TCF4: variants seen among roughly 807,000 people sequenced by gnomAD.
The protein encoded by TCF4 is SL3-3 enhancer factor 2.
A neutral mutation model predicts 82.1 loss-of-function variants in TCF4; 3 were observed. That is an observed-to-expected ratio of 0.04 (90% CI 0.02 to 0.09). The LOEUF is 0.09. TCF4 is among the 10% of genes least tolerant of loss of function. TCF4 has a pLI of 1.00. For synonymous variants in TCF4, 276 were observed against 309.6 expected (o/e 0.89, Z 1.14); for missense variants, 518 against 852.7 (o/e 0.61, Z 4.89).
At chr18:55,606,898 A>G (rs546988984) in intron 2 of TCF4, among the ~76,000 whole-genome samples, 1 of 152,240 alleles carries the variant, frequency 6.6e-6, no homozygotes, top group Admixed American at 6.5e-5. Context: ...TACCTAGTTC[A>G]TTTTTCACAC....
intron 5 of TCF4, among the ~76,000 whole-genome samples, chr18:55,436,985 C>A (rs1322445312): frequency 6.6e-6 from 1 of 152,202 alleles, no homozygotes; most frequent in Non-Finnish European, 1.5e-5. Context: ...CAAAATCACC[C>A]AAGTCCCTGA....
At chr18:55,374,404 A>G (rs2090185907) in intron 6 of TCF4, among the ~76,000 whole-genome samples, 1 of 152,010 alleles carries the variant, frequency 6.6e-6, no homozygotes, top group African/African-American at 2.4e-5. Flanking sequence ...GAAAAACAAG[A>G]AGAGAGAAAA....
At chr18:55,423,157 T>C (rs1248558271) in intron 5 of TCF4, among the ~76,000 whole-genome samples, 1 of 129,258 alleles carries the variant, frequency 7.7e-6, no homozygotes, top group Non-Finnish European at 1.6e-5. Context: ...TCTTATACAA[T>C]AGAAGCAGTT....
chr18:55,583,165 C>G (rs1436294035), intron 3 of TCF4, among the ~76,000 whole-genome samples: 1 of 152,098 alleles, frequency 6.6e-6, no homozygotes, highest in African/African-American at 2.4e-5. Flanking sequence ...AGGACCATTA[C>G]ACTTTTTACC....
chr18:55,401,963 C>G (rs770118726), intron 6 of TCF4: 18 of 932,496 alleles, frequency 1.9e-5, no homozygotes, highest in Non-Finnish European at 2.3e-5. Flanking sequence ...CACAGGAACA[C>G]GGTCTTCTGC....
chr18:55,455,527 T>TG (rs148661774), intron 5 of TCF4, among the ~76,000 whole-genome samples: 2 of 144,678 alleles, frequency 1.4e-5, no homozygotes, highest in Non-Finnish European at 3.0e-5. Context: ...AAGGTGTTAT[T>TG]GGAAAAAAAA....
At position 55,226,651 on chromosome 18, in the gene TCF4, A is replaced by G. The variant is rs1204412436; in HGVS notation, c.*1384T>C. On this transcript the variant is annotated 3_prime_UTR_variant, in exon 20 of 20. Transcript: ENST00000354452. ...TTGAATATTGGCATTTTTCAGACGA[A>G]GGAGGAGGCAGTTAAGTCATCTACA... 1 of 152,570 alleles carries G rather than the reference A, an allele frequency of 6.6e-6. No homozygotes were observed. The highest frequency in any genetic ancestry group is 1.9e-4 in the East Asian group (1 of 5,202). The allele number at this position is 152,570 out of a possible 1,614,324, so 9.5% of individuals were successfully genotyped here.
At chr18:55,535,033 T>A (rs545602616) in intron 3 of TCF4, among the ~76,000 whole-genome samples, 33 of 152,348 alleles carry the variant, frequency 2.2e-4, no homozygotes, top group African/African-American at 7.9e-4. Flanking sequence ...GAGGTTCTGT[T>A]TCCATTCCTT....
upstream of TCF4, chr18:55,589,300 A>C (rs1478207016): frequency 1.9e-6 from 2 of 1,051,538 alleles, no homozygotes. Flanking sequence ...ACGTTACCTT[A>C]AATGGCCACA....
At position 55,269,895 on chromosome 18, in the gene TCF4, A is replaced by G. The variant is rs749844373; in HGVS notation, c.858T>C (p.Ser286=). The change falls in exon 11 of 20, where the codon AGT becomes AGC. Residue 286 remains serine, a synonymous_variant. Transcript: ENST00000354452. ...AAGAGGTGCTGTAATGGTTTGTACC[A>G]CTACGATGGAAAGTGGACATCGGAG... ...SLPPMSTFHR[S]GTNHYSTSSC... 2.5e-6 allele frequency: 4 copies of G among 1,613,270 alleles called. No homozygotes were observed. The highest frequency in any genetic ancestry group is 2.7e-5 in the African/African-American group (2 of 74,880).
chr18:55,556,249 A>AGTGTT (rs2097303498), intron 3 of TCF4, among the ~76,000 whole-genome samples: 1 of 152,050 alleles, frequency 6.6e-6, no homozygotes, highest in Admixed American at 6.6e-5. Context: ...AATGCTCTGT[A>AGTGTT]TCTCACATCC....
chr18:55,452,135 C>T (rs1200040789), intron 5 of TCF4, among the ~76,000 whole-genome samples: 1 of 151,610 alleles, frequency 6.6e-6, no homozygotes, highest in Non-Finnish European at 1.5e-5. Flanking sequence ...GATAGATGGT[C>T]CTTCCCCCTG....
chr18:55,535,256 A>G (rs1194822093), intron 3 of TCF4, among the ~76,000 whole-genome samples: 1 of 152,212 alleles, frequency 6.6e-6, no homozygotes, highest in African/African-American at 2.4e-5. Context: ...TAAAGTCATG[A>G]GTTAGCAAAC....
chr18:55,440,891 A>C (rs1419118471), intron 5 of TCF4, among the ~76,000 whole-genome samples: 1 of 152,206 alleles, frequency 6.6e-6, no homozygotes, highest in African/African-American at 2.4e-5. Flanking sequence ...TATTGGATTT[A>C]TGTCTGAATA....
chr18:55,558,221 A>T (rs1172153982), intron 3 of TCF4, among the ~76,000 whole-genome samples: 2 of 152,118 alleles, frequency 1.3e-5, no homozygotes, highest in Non-Finnish European at 2.9e-5. Flanking sequence ...AAAAAAATCA[A>T]AAACTAAAAG....
rs1157497697 is a variant in TCF4, at chr18:55,349,385, AAAATG to A, written c.549+969_549+973del. Among the ~76,000 whole-genome samples, 3 of 152,166 alleles carry A rather than the reference AAAATG, an allele frequency of 2.0e-5. No individual in the cohort carries two copies. In the East Asian group the frequency reaches 5.8e-4, roughly 29 times the overall value. On this transcript the variant is annotated intron_variant, in intron 8 of 19. Transcript: ENST00000354452. ...GACCTATTATTCTTCTAATACATTA[AAAATG>A]AAATGAAACTAATATGCAAGCATTG...
At chr18:55,511,788 A>C (rs1304782556) in intron 3 of TCF4, among the ~76,000 whole-genome samples, 1 of 152,182 alleles carries the variant, frequency 6.6e-6, no homozygotes, top group African/African-American at 2.4e-5. Flanking sequence ...ACAATTTTTT[A>C]AAATAATACT....
chr18:55,360,885 C>A (rs566680331), intron 6 of TCF4, among the ~76,000 whole-genome samples: 2 of 151,790 alleles, frequency 1.3e-5, no homozygotes, highest in Admixed American at 1.3e-4. Flanking sequence ...TGCCACCATG[C>A]CCAGCTAATT....
In TCF4 at chr18:55,570,644, A is replaced by C. The variant is rs1319968059; in HGVS notation, c.145+14636T>G. On this transcript the variant is annotated intron_variant, in intron 3 of 19. Coordinates refer to ENST00000354452, the MANE Select transcript of TCF4 (RefSeq NM_001083962.2). ...TGCCTATAATCTCAGCACTTTGGGA[A>C]GCCAAGGAAGGCAAATTGCTTGAGC... Among the ~76,000 whole-genome samples, 3 of 152,078 alleles carry C rather than the reference A, an allele frequency of 2.0e-5. No homozygotes were observed. In the East Asian group the frequency reaches 5.8e-4, roughly 29 times the overall value.
Sources: gnomAD v4.1 joint callset for allele counts (sites outside exome capture counted in the v4.1 genomes callset) on GRCh38, gnomAD v4.1.1 for gene constraint, MANE v1.5 for transcripts, NCBI Gene and HGNC (gene_info 2026-07-23, HGNC 2026-07-21) for gene names.